MYH16: variants seen among roughly 807,000 people sequenced by gnomAD.
The protein encoded by MYH16 is myosin heavy chain 16, also known as putative uncharacterized protein MYH16.
At chr7:99,293,566 A>G (rs1792424268) in intron 32 of MYH16, among the ~76,000 whole-genome samples, 1 of 151,826 alleles carries the variant, frequency 6.6e-6, no homozygotes, top group Non-Finnish European at 1.5e-5. Flanking sequence ...CCTGGCTTAG[A>G]CCTTTGCTCC....
chr7:99,252,798 C>G (rs1791825995), intron 6 of MYH16: 1 of 155,098 alleles, frequency 6.4e-6, no homozygotes, highest in Admixed American at 6.5e-5. Context: ...TCCCTCCCCT[C>G]TCTTCCCTGC....
intron 37 of MYH16, among the ~76,000 whole-genome samples, chr7:99,301,255 G>C (rs1416835993): frequency 6.6e-6 from 1 of 150,604 alleles, no homozygotes; most frequent in Non-Finnish European, 1.5e-5. Flanking sequence ...AGAGAGCGGA[G>C]CATCAGCCTA....
At chr7:99,268,202 G>C (rs1251257642) in intron 18 of MYH16, among the ~76,000 whole-genome samples, 2 of 152,208 alleles carry the variant, frequency 1.3e-5, no homozygotes, top group Non-Finnish European at 2.9e-5. Flanking sequence ...TCACAATTAA[G>C]ATGTGCTGTA....
intron 18 of MYH16, among the ~76,000 whole-genome samples, chr7:99,268,969 A>G (rs1268642824): frequency 6.6e-6 from 1 of 152,082 alleles, no homozygotes. Flanking sequence ...TTCTGTCCGG[A>G]CAGGAGGGGA....
chr7:99,263,758 CTA>C (rs1791961936), intron 14 of MYH16, among the ~76,000 whole-genome samples: 2 of 152,266 alleles, frequency 1.3e-5, no homozygotes, highest in South Asian at 2.1e-4. Flanking sequence ...CCCAGATGTT[CTA>C]TGTTTCTTTT....
chr7:99,279,123 C>T (rs1377575841), intron 21 of MYH16, among the ~76,000 whole-genome samples: 1 of 151,912 alleles, frequency 6.6e-6, no homozygotes, highest in East Asian at 1.9e-4. Context: ...CCTAGAAGGT[C>T]GAGGCTGCAG....
chr7:99,276,567 G>T (rs536904254), intron 20 of MYH16, among the ~76,000 whole-genome samples: 9 of 152,258 alleles, frequency 5.9e-5, no homozygotes, highest in Admixed American at 2.0e-4. Flanking sequence ...GAGAGGTCCC[G>T]ATGGGTGCTG....
chr7:99,296,808 G>A (rs571843874), exon 34 of MYH16: 92 of 456,822 alleles, frequency 2.0e-4, no homozygotes, highest in African/African-American at 1.3e-3. Context: ...TGGACAGCTC[G>A]CAGAAGGAGT....
chr7:99,299,610 C>G (rs1030726853), exon 37 of MYH16: 2 of 153,562 alleles, frequency 1.3e-5, no homozygotes, highest in African/African-American at 4.8e-5. Flanking sequence ...CCAACAAGAA[C>G]AACAGCGAAC....
chr7:99,251,823 A>G (rs909407415), intron 6 of MYH16, among the ~76,000 whole-genome samples: 2 of 152,032 alleles, frequency 1.3e-5, no homozygotes, highest in Admixed American at 1.3e-4. Flanking sequence ...AAAAATAAAA[A>G]TTAGCCGGGC....
exon 22 of MYH16, chr7:99,279,524 G>A (rs1255981820): frequency 2.8e-5 from 13 of 456,556 alleles, no homozygotes; most frequent in Non-Finnish European, 5.3e-5. Context: ...AAGAGAACCT[G>A]ATGGATGCAG....
chr7:99,289,330 C>G, exon 30 of MYH16: 2 of 443,900 alleles, frequency 4.5e-6, no homozygotes, highest in Middle Eastern at 3.3e-4. Flanking sequence ...GACAGCTTAT[C>G]AGAAGCCAAC....
At chr7:99,290,472 G>A (rs1303150393) in intron 30 of MYH16, among the ~76,000 whole-genome samples, 4 of 130,856 alleles carry the variant, frequency 3.1e-5, no homozygotes, top group African/African-American at 9.4e-5. Context: ...GGGCAACAGA[G>A]CAGGACCCTG....
At chr7:99,295,783 T>C (rs1025238687) in intron 33 of MYH16, among the ~76,000 whole-genome samples, 1 of 147,066 alleles carries the variant, frequency 6.8e-6, no homozygotes, top group African/African-American at 2.6e-5. Context: ...CAGTTAGCTA[T>C]GATTATGCTA....
intron 30 of MYH16, among the ~76,000 whole-genome samples, chr7:99,289,911 G>A (rs1792343692): frequency 6.6e-6 from 1 of 152,074 alleles, no homozygotes; most frequent in African/African-American, 2.4e-5. Context: ...GTTTAGTTTA[G>A]GATTTTTTTT....
At chr7:99,293,897 G>A (rs751983592) in intron 32 of MYH16, 121 bp from the exon 14 acceptor site, 12 of 332,274 alleles carry the variant, frequency 3.6e-5, no homozygotes, top group South Asian at 9.1e-5. Flanking sequence ...ACTCTGCATC[G>A]TTTCCAATGT....
At chr7:99,296,070 G>C (rs925866590) in intron 33 of MYH16, among the ~76,000 whole-genome samples, 2 of 147,562 alleles carry the variant, frequency 1.4e-5, no homozygotes, top group Non-Finnish European at 3.0e-5. Flanking sequence ...CTTGAACCCA[G>C]GAGACGGAGG....
chr7:99,302,335 C>CAT (rs1562788016), intron 38 of MYH16, among the ~76,000 whole-genome samples: 1 of 144,932 alleles, frequency 6.9e-6, no homozygotes, highest in Non-Finnish European at 1.5e-5. Flanking sequence ...CACACACACA[C>CAT]ACACACACAC....
intron 2 of MYH16, among the ~76,000 whole-genome samples, chr7:99,244,197 C>T (rs891557439): frequency 6.6e-6 from 1 of 152,196 alleles, no homozygotes; most frequent in Non-Finnish European, 1.5e-5. Flanking sequence ...TCCATCCATT[C>T]ATTCATTAAT....
Sources: gnomAD v4.1 joint callset for allele counts (sites outside exome capture counted in the v4.1 genomes callset) on GRCh38, gnomAD v4.1.1 for gene constraint, MANE v1.5 for transcripts, NCBI Gene and HGNC (gene_info 2026-07-23, HGNC 2026-07-21) for gene names.